Variants in TANC2 observed in about 807,000 individuals in gnomAD.
The protein encoded by TANC2 is tetratricopeptide repeat, ankyrin repeat and coiled-coil containing 2.
Under a neutral mutation model 210.5 loss-of-function variants are expected in TANC2, and 26 were observed. The ratio of observed to expected loss-of-function variants is 0.12; its 90% CI spans 0.09 to 0.17. TANC2 has a LOEUF of 0.17. Ranked by LOEUF, TANC2 falls within the 10% of genes least tolerant of loss-of-function variation. The pLI is 1.00. For missense variants in TANC2, 2,129 were observed against 2,608.9 expected, an observed-to-expected ratio of 0.82 and a Z score of 4.01; for synonymous variants, 931 against 967.1, an observed-to-expected ratio of 0.96 and a Z score of 0.69.
chr17:63,229,975 T>A (rs766398998), intron 7 of TANC2, among the ~76,000 whole-genome samples: 1 of 152,112 alleles, frequency 6.6e-6, no homozygotes, highest in African/African-American at 2.4e-5. Context: ...TTTGTATTTT[T>A]AGCAGAGACT....
chr17:63,267,094 TC>T (rs1408881335), intron 8 of TANC2, among the ~76,000 whole-genome samples: 1 of 152,100 alleles, frequency 6.6e-6, no homozygotes, highest in Non-Finnish European at 1.5e-5. Context: ...GCTCAAGCGA[TC>T]CACTCTCCTC....
intron 5 of TANC2, among the ~76,000 whole-genome samples, chr17:63,188,132 A>G (rs1417643511): frequency 6.6e-6 from 1 of 152,030 alleles, no homozygotes; most frequent in Non-Finnish European, 1.5e-5. Flanking sequence ...AAAAACCCCA[A>G]CCACAACAAA....
chr17:63,306,301 CATTTTAAT>C (rs931021607), intron 9 of TANC2, among the ~76,000 whole-genome samples: 8 of 152,180 alleles, frequency 5.3e-5, no homozygotes, highest in African/African-American at 1.9e-4. Context: ...CAGGAACTTT[CATTTTAAT>C]TATACTCAGG....
At chr17:63,025,534 G>A (rs111757069) in intron 2 of TANC2, among the ~76,000 whole-genome samples, 3,194 of 152,152 alleles carry the variant, frequency 0.021, 105 homozygotes, top group African/African-American at 0.071. Context: ...GGTAGCTCAC[G>A]CCTGTAATCC....
chr17:63,120,051 A>AT lies in TANC2; in HGVS notation c.322+20695dup, dbSNP rs1377529029. ...GGGCAACAGAGCAAGACTCTGTCTC[A>AT]TAAAAAAAAAAAAAATTAATAACAA... On this transcript the variant is annotated intron_variant, in intron 4 of 27. Coordinates refer to ENST00000689528, the Ensembl canonical transcript of TANC2. Among the ~76,000 whole-genome samples the AT allele has an allele frequency of 3.3e-5, 5 of 149,396 alleles. No individual in the cohort carries two copies. In the East Asian group the frequency reaches 7.8e-4, roughly 23 times the overall value.
chr17:62,995,835 C>T (rs913116295), intron 1 of TANC2, among the ~76,000 whole-genome samples: 1 of 152,144 alleles, frequency 6.6e-6, no homozygotes, highest in African/African-American at 2.4e-5. Context: ...TGGTGTGCGC[C>T]GGTAGTCCTA....
rs2034031959 is a variant in TANC2 at position 63,014,779 on chromosome 17, G to T, written c.67+5153G>T. On this transcript the variant is annotated intron_variant, in intron 2 of 27. Coordinates refer to ENST00000689528, the Ensembl canonical transcript of TANC2. ...ATAGCTAATTCCTTTGATTTTCTGGGTATTTAGTTATATCAGTAATGATTT... is the reference window on the plus strand; with the variant it reads ...ATAGCTAATTCCTTTGATTTTCTGGTTATTTAGTTATATCAGTAATGATTT... Among the ~76,000 whole-genome samples the T allele has an allele frequency of 3.3e-5, 5 of 152,010 alleles. No homozygotes were observed. The South Asian group carries it at 1.0e-3, about 31-fold the overall frequency.
chr17:63,265,235 A>G (rs931686649), intron 8 of TANC2, among the ~76,000 whole-genome samples: 1 of 152,180 alleles, frequency 6.6e-6, no homozygotes. Flanking sequence ...AGCATTTCAT[A>G]TTTCAGATTT....
At chr17:63,010,136 T>C (rs915694041) in intron 2 of TANC2, among the ~76,000 whole-genome samples, 1 of 152,154 alleles carries the variant, frequency 6.6e-6, no homozygotes, top group African/African-American at 2.4e-5. Flanking sequence ...GTAAAAAATA[T>C]TGAAAAGAAA....
At chr17:63,364,786 T>A (rs1340349737) in intron 14 of TANC2, among the ~76,000 whole-genome samples, 1 of 150,568 alleles carries the variant, frequency 6.6e-6, no homozygotes, top group South Asian at 2.1e-4. Flanking sequence ...ACCCTGACTC[T>A]TAAAAAAAAA....
At chr17:63,365,938 GT>G (rs1044081480) in intron 14 of TANC2, among the ~76,000 whole-genome samples, 15 of 151,964 alleles carry the variant, frequency 9.9e-5, no homozygotes, top group Non-Finnish European at 1.0e-4. Context: ...GTGAATACTC[GT>G]TTTTGTCCAC....
chr17:63,121,815 T>G (rs983172665), intron 4 of TANC2, among the ~76,000 whole-genome samples: 1 of 152,052 alleles, frequency 6.6e-6, no homozygotes, highest in Non-Finnish European at 1.5e-5. Context: ...AAATTCTAAT[T>G]AGCTGGGTGT....
At chr17:63,086,632 G>A (rs2036976439) in intron 3 of TANC2, among the ~76,000 whole-genome samples, 1 of 151,950 alleles carries the variant, frequency 6.6e-6, no homozygotes, top group East Asian at 1.9e-4. Flanking sequence ...AATCATAATT[G>A]TTTACATTTA....
rs184720368 is a variant in TANC2 at position 63,040,708 on chromosome 17, G to T, written c.67+31082G>T. The stretch of plus-strand genomic sequence containing the variant: ...CACAGAAGAGCAGTATTTAAGTTAT[G>T]CAGCATTTATCTATGGCAGAGAGAG... On this transcript the variant is annotated intron_variant, in intron 2 of 27. Transcript: ENST00000689528. Among the ~76,000 whole-genome samples, 13 of 152,234 alleles carry T rather than the reference G, an allele frequency of 8.5e-5. No homozygotes were observed. The East Asian group carries it at 2.5e-3, about 29-fold the overall frequency.
chr17:63,220,759 C>T (rs1280114797), intron 7 of TANC2, among the ~76,000 whole-genome samples: 12 of 141,012 alleles, frequency 8.5e-5, no homozygotes, highest in South Asian at 6.7e-4. Flanking sequence ...TGTGTATATA[C>T]GTGTATGTGT....
At position 63,347,112 on chromosome 17, in the gene TANC2, A is replaced by G. The variant is rs541384297; in HGVS notation, c.1808-4138A>G. ...AAACATATGTCTACAAAACACTTGT[A>G]CAAGAATGTTTCTAGCAGCTTTATT... On this transcript the variant is annotated intron_variant, in intron 12 of 27. Coordinates refer to ENST00000689528, the Ensembl canonical transcript of TANC2. Among the ~76,000 whole-genome samples, 9 of 152,380 alleles carry G rather than the reference A, an allele frequency of 5.9e-5. No homozygotes were observed. In the South Asian group the frequency reaches 6.2e-4, roughly 11 times the overall value.
chr17:62,970,709 T>G (rs567995350), intron 1 of TANC2, among the ~76,000 whole-genome samples: 14 of 152,304 alleles, frequency 9.2e-5, no homozygotes, highest in African/African-American at 3.4e-4. Context: ...CCTTTTACAG[T>G]AGAATTAAAA....
intron 11 of TANC2, among the ~76,000 whole-genome samples, chr17:63,331,166 A>G (rs2045826444): frequency 6.6e-6 from 1 of 152,250 alleles, no homozygotes; most frequent in Non-Finnish European, 1.5e-5. Context: ...TTTTAAACAC[A>G]TGCATAATAT....
intron 5 of TANC2, among the ~76,000 whole-genome samples, chr17:63,187,999 TA>T (rs1567798606): frequency 6.6e-6 from 1 of 151,972 alleles, no homozygotes; most frequent in African/African-American, 2.4e-5. Flanking sequence ...CTCAAACATA[TA>T]AAAAATGGAA....
Sources: gnomAD v4.1 joint callset for allele counts (sites outside exome capture counted in the v4.1 genomes callset) on GRCh38, gnomAD v4.1.1 for gene constraint, MANE v1.5 for transcripts, NCBI Gene and HGNC (gene_info 2026-07-23, HGNC 2026-07-21) for gene names.